Variants in TULP4 observed in about 807,000 individuals in gnomAD.
The protein encoded by TULP4 is TUB like protein 4, also known as tubby-related protein 4.
In TULP4, 16 loss-of-function variants were observed where a neutral mutation model predicts 129.0. That is an observed-to-expected ratio of 0.12 (90% CI 0.08 to 0.19). The LOEUF (loss-of-function observed/expected upper bound fraction) is 0.19. TULP4 is among the 10% of genes least tolerant of loss of function. The pLI, the probability that TULP4 is intolerant of heterozygous loss-of-function variation, is 1.00. For missense variants in TULP4, 1,842 were observed against 2,059.1 expected, an observed-to-expected ratio of 0.89 and a Z score of 2.04; for synonymous variants, 998 against 854.0, an observed-to-expected ratio of 1.17 and a Z score of -2.94.
At chr6:158,260,403 C>T (rs963974700) in intron 1 of TULP4, among the ~76,000 whole-genome samples, 5 of 152,062 alleles carry the variant, frequency 3.3e-5, no homozygotes, top group South Asian at 4.2e-4. Context: ...GGTGAAACCC[C>T]GTCTCTACTA....
intron 6 of TULP4, among the ~76,000 whole-genome samples, chr6:158,466,784 G>T (rs927882380): frequency 3.9e-5 from 6 of 152,218 alleles, no homozygotes; most frequent in African/African-American, 1.4e-4. Context: ...TGATGACACA[G>T]AAATGCTTTT....
At chr6:158,373,322 C>T (rs560840331) in intron 1 of TULP4, among the ~76,000 whole-genome samples, 35 of 152,282 alleles carry the variant, frequency 2.3e-4, no homozygotes, top group Admixed American at 2.0e-3. Flanking sequence ...TGACTTGCTC[C>T]CACTGCACTT....
chr6:158,497,618 A>C (rs1780360848), intron 11 of TULP4, among the ~76,000 whole-genome samples: 1 of 152,238 alleles, frequency 6.6e-6, no homozygotes, highest in Non-Finnish European at 1.5e-5. Flanking sequence ...ATAACACTTT[A>C]ATACATTCAT....
chr6:158,475,055 T>A (rs1045242291), intron 6 of TULP4, among the ~76,000 whole-genome samples: 2 of 152,176 alleles, frequency 1.3e-5, no homozygotes, highest in Non-Finnish European at 2.9e-5. Context: ...GCTCAGTAGA[T>A]AAAAAAATGA....
chr6:158,510,441 A>C lies in TULP4; in HGVS notation c.*3747A>C, dbSNP rs1354813027. 2 of 152,270 alleles carry C rather than the reference A, an allele frequency of 1.3e-5. No individual in the cohort carries two copies. Among genetic ancestry groups the C allele is most frequent in the African/African-American group, 2.4e-5 (1 of 41,466 alleles). The allele number at this position is 152,270 out of a possible 1,614,324, so 9.4% of individuals were successfully genotyped here. ...TGTCCATCTGTGAAATGAAAGGATC[A>C]GCCTGGACAGCCCTCTAAACTCCCT... On this transcript the variant is annotated 3_prime_UTR_variant, in exon 14 of 14. Transcript: ENST00000367097.
Position 158,429,813 on chromosome 6 carries a change from T to G in TULP4, c.459T>G (p.Ser153=). The change falls in exon 3 of 14, where the codon TCT becomes TCG. Residue 153 remains serine, a synonymous_variant. Coordinates refer to ENST00000367097, the MANE Select transcript of TULP4 (RefSeq NM_020245.5). ...SYRDGFVLVG[S]VSGQRHWSSE... ...GAGATGGGTTTGTCCTGGTTGGGTC[T>G]GTCAGTGGACAAAGACACTGGTCAT... 6.2e-7 allele frequency: 1 copy of G among 1,614,232 alleles called. No individual in the cohort carries two copies. Among genetic ancestry groups the G allele is most frequent in the East Asian group, 2.2e-5 (1 of 44,882 alleles).
intron 1 of TULP4, among the ~76,000 whole-genome samples, chr6:158,383,676 A>C (rs1272381254): frequency 6.6e-6 from 1 of 152,198 alleles, no homozygotes; most frequent in African/African-American, 2.4e-5. Context: ...AGAGCGAGTC[A>C]GGCCATTCTC....
chr6:158,320,772 T>C (rs962134864), intron 1 of TULP4, among the ~76,000 whole-genome samples: 2 of 152,156 alleles, frequency 1.3e-5, no homozygotes, highest in African/African-American at 4.8e-5. Context: ...GGCAGCTATG[T>C]GTAGTTGCTG....
chr6:158,301,813 G>T (rs561663254), intron 1 of TULP4, among the ~76,000 whole-genome samples: 7 of 152,324 alleles, frequency 4.6e-5, no homozygotes, highest in Admixed American at 3.9e-4. Context: ...GGACTGCAGA[G>T]ATTGGAATCT....
chr6:158,235,288 A>G (rs762907506), intron 1 of TULP4, among the ~76,000 whole-genome samples: 1 of 152,108 alleles, frequency 6.6e-6, no homozygotes, highest in Non-Finnish European at 1.5e-5. Flanking sequence ...CAGATTCCCA[A>G]ACTGAAACTC....
chr6:158,366,403 G>A (rs1170616961), intron 1 of TULP4, among the ~76,000 whole-genome samples: 1 of 152,136 alleles, frequency 6.6e-6, no homozygotes, highest in Non-Finnish European at 1.5e-5. Flanking sequence ...GTGAGTAGAG[G>A]GCCAATCTTT....
At chr6:158,304,981 T>C (rs1307218259) in intron 1 of TULP4, among the ~76,000 whole-genome samples, 1 of 152,174 alleles carries the variant, frequency 6.6e-6, no homozygotes, top group East Asian at 1.9e-4. Flanking sequence ...TTTACCATTT[T>C]TAAAGTGTAC....
At chr6:158,496,365 T>A (rs1004125239) in intron 11 of TULP4, among the ~76,000 whole-genome samples, 3 of 152,260 alleles carry the variant, frequency 2.0e-5, no homozygotes, top group African/African-American at 7.2e-5. Flanking sequence ...ACAGATTAGA[T>A]GTTAGAAAGA....
upstream of TULP4, among the ~76,000 whole-genome samples, chr6:158,311,502 T>C (rs3812100): frequency 2.0e-5 from 3 of 152,156 alleles, no homozygotes; most frequent in Non-Finnish European, 4.4e-5. Flanking sequence ...ACTTTATTGC[T>C]GGTAGACCAC....
chr6:158,443,733 T>C (rs1778951381), intron 3 of TULP4, among the ~76,000 whole-genome samples: 1 of 152,122 alleles, frequency 6.6e-6, no homozygotes, highest in Non-Finnish European at 1.5e-5. Context: ...TAGGAGTGAT[T>C]GTTATAGTCA....
intron 1 of TULP4, among the ~76,000 whole-genome samples, chr6:158,391,088 T>A (rs1160474065): frequency 6.6e-6 from 1 of 151,956 alleles, no homozygotes; most frequent in Non-Finnish European, 1.5e-5. Context: ...AAAATAATAA[T>A]AATAAGATGA....
chr6:158,377,033 T>C (rs1181080672), intron 1 of TULP4, among the ~76,000 whole-genome samples: 2 of 152,248 alleles, frequency 1.3e-5, no homozygotes, highest in Non-Finnish European at 2.9e-5. Context: ...GTCTTTCTCA[T>C]TGATCTGGTA....
chr6:158,362,749 T>C (rs1780825051), intron 1 of TULP4, among the ~76,000 whole-genome samples: 1 of 152,192 alleles, frequency 6.6e-6, no homozygotes, highest in African/African-American at 2.4e-5. Flanking sequence ...CACAGAGTGT[T>C]GTTTAGTGAA....
chr6:158,485,103 A>G (rs751344526), intron 8 of TULP4, among the ~76,000 whole-genome samples: 3 of 152,344 alleles, frequency 2.0e-5, no homozygotes, highest in South Asian at 2.1e-4. Context: ...AGGTGATCCT[A>G]TAAAGCAGCA....
Sources: allele counts gnomAD v4.1 joint callset (sites outside exome capture counted in the v4.1 genomes callset), GRCh38; gene constraint gnomAD v4.1.1; transcripts MANE v1.5; gene names NCBI Gene and HGNC (gene_info 2026-07-23, HGNC 2026-07-21).